LRP5: variants seen among roughly 807,000 people sequenced by gnomAD.
LRP5 encodes LDL receptor related protein 5.
LRP5 carries 62 observed loss-of-function variants against 154.1 expected under a neutral mutation model. That is an observed-to-expected ratio of 0.40 (90% CI 0.33 to 0.50). The LOEUF (loss-of-function observed/expected upper bound fraction) is 0.50, where lower values mean the gene tolerates loss of function less well. Among genes scored for constraint, LRP5 ranks in the 20% least tolerant of loss-of-function variants. LRP5 has a pLI of 0.55. For synonymous variants in LRP5, 966 were observed against 1,011.5 expected, an observed-to-expected ratio of 0.96 and a Z score of 0.85; for missense variants, 1,915 against 2,336.7, an observed-to-expected ratio of 0.82 and a Z score of 3.72.
intron 10 of LRP5, among the ~76,000 whole-genome samples, chr11:68,410,534 A>T (rs1162767152): frequency 6.6e-6 from 1 of 152,208 alleles, no homozygotes; most frequent in Non-Finnish European, 1.5e-5. Flanking sequence ...GCTCCTGACC[A>T]GGTCTCCTTG....
intron 11 of LRP5, among the ~76,000 whole-genome samples, chr11:68,412,466 C>T (rs201040445): frequency 6.6e-5 from 10 of 151,858 alleles, no homozygotes; most frequent in East Asian, 3.9e-4. Context: ...TGTAGTGAGA[C>T]GCCATCTCTA....
chr11:68,433,548 C>G, intron 17 of LRP5, 54 bp from the exon 18 acceptor site: 2 of 1,496,408 alleles, frequency 1.3e-6, no homozygotes, highest in Non-Finnish European at 1.9e-6. Flanking sequence ...ACGCCATTGC[C>G]TGGGTTTTGC....
At chr11:68,425,635 A>G (rs2098668327) in intron 15 of LRP5, among the ~76,000 whole-genome samples, 1 of 152,018 alleles carries the variant, frequency 6.6e-6, no homozygotes, top group African/African-American at 2.4e-5. Context: ...GAGAAATGAG[A>G]GTTGGTGCTT....
intron 8 of LRP5, among the ~76,000 whole-genome samples, chr11:68,405,590 G>A (rs2098655186): frequency 6.6e-6 from 1 of 152,142 alleles, no homozygotes; most frequent in African/African-American, 2.4e-5. Flanking sequence ...GCCTCCATGG[G>A]GGTGTGATTT....
At chr11:68,426,907 G>A (rs1239677040) in intron 16 of LRP5, among the ~76,000 whole-genome samples, 2 of 152,200 alleles carry the variant, frequency 1.3e-5, no homozygotes, top group Non-Finnish European at 2.9e-5. Context: ...TGGGATCGAG[G>A]TTCTGTTTTC....
chr11:68,348,809 T>C (rs1389227714), intron 2 of LRP5, among the ~76,000 whole-genome samples: 2 of 152,120 alleles, frequency 1.3e-5, no homozygotes, highest in Non-Finnish European at 2.9e-5. Context: ...TCGGGTGTGA[T>C]GGTATGCACC....
In LRP5 at chr11:68,312,774, G is replaced by A. The variant is rs965261452; in HGVS notation, c.60G>A (p.Leu20=). The change falls in exon 1 of 23, where the codon CTG becomes CTA. Residue 20 remains leucine, a synonymous_variant. Coordinates refer to ENST00000294304, the MANE Select transcript of LRP5 (RefSeq NM_002335.4). ...TGCTGCTGCTGCTGCTGCTGCTGCT[G>A]GCGCTGTGCGGCTGCCCGGCCCCCG... The part of the protein sequence containing the change: ...WPLLLLLLLL[L]ALCGCPAPAA... The A allele has an allele frequency of 2.1e-4, 229 of 1,090,502 alleles. No individual in the cohort carries two copies. The highest frequency in any genetic ancestry group is 2.4e-4 in the Non-Finnish European group (213 of 892,726). The allele number at this position is 1,090,502 out of a possible 1,614,324, so 67.6% of individuals were successfully genotyped here.
At position 68,403,716 on chromosome 11, in the gene LRP5, C is replaced by G; in HGVS notation, c.1801+17C>G. On this transcript the variant is annotated intron_variant, in intron 8 of 22. Coordinates refer to ENST00000294304, the MANE Select transcript of LRP5 (RefSeq NM_002335.4). ...AGGTCGTCGGTGAGTCCGGGGGGTC[C>G]CAAGCCATGGCTCAGCCATGCAGAC... 1 of 1,612,438 alleles carries G rather than the reference C, an allele frequency of 6.2e-7. No individual in the cohort carries two copies. The highest frequency in any genetic ancestry group is 8.5e-7 in the Non-Finnish European group (1 of 1,179,836).
chr11:68,353,553 C>T lies in LRP5; in HGVS notation c.489-4097C>T, dbSNP rs2098620534. Among the ~76,000 whole-genome samples the T allele has an allele frequency of 6.6e-6, 1 of 152,174 alleles. No individual in the cohort carries two copies. Among genetic ancestry groups the T allele is most frequent in the Admixed American group, 6.5e-5 (1 of 15,284 alleles). The stretch of plus-strand genomic sequence containing the variant: ...TCAGGCATAAGTGTGGGCGCTGAGT[C>T]CTGGGGCAGGACTGCTGTCCTGAGA... On this transcript the variant is annotated intron_variant, in intron 2 of 22. Transcript: ENST00000294304. The surrounding 1 kb of genome is among the most constrained non-coding windows in gnomAD (Gnocchi z 4.5).
intron 14 of LRP5, 71 bp from the exon 15 acceptor site, chr11:68,425,031 T>A: frequency 7.1e-7 from 1 of 1,401,430 alleles, no homozygotes; most frequent in East Asian, 2.3e-5. Context: ...CCCAGCTGGG[T>A]GCCCTGGGCT....
intron 5 of LRP5, among the ~76,000 whole-genome samples, chr11:68,379,230 G>A (rs956960122): frequency 6.6e-6 from 1 of 152,144 alleles, no homozygotes; most frequent in Non-Finnish European, 1.5e-5. Context: ...CACCTTGAAT[G>A]CCCTCGTTTA....
At position 68,426,574 on chromosome 11, in the gene LRP5, G is replaced by A. The variant is rs527258227; in HGVS notation, c.3637+387G>A. Among the ~76,000 whole-genome samples, 25 of 151,832 alleles carry A rather than the reference G, an allele frequency of 1.6e-4. 1 individual carries two copies. The South Asian group carries it at 5.2e-3, about 32-fold the overall frequency. On this transcript the variant is annotated intron_variant, in intron 16 of 22. Transcript: ENST00000294304. ...TCCCAGGTAGCTGGGACTACAGGTG[G>A]GCACCACCACACCTGGCTAATTTTT...
chr11:68,353,027 T>C lies in LRP5; in HGVS notation c.489-4623T>C, dbSNP rs1247625652. Among the ~76,000 whole-genome samples the C allele has an allele frequency of 6.6e-6, 1 of 152,104 alleles. No individual in the cohort carries two copies. The highest frequency in any genetic ancestry group is 1.5e-5 in the Non-Finnish European group (1 of 68,014). On this transcript the variant is annotated intron_variant, in intron 2 of 22. Transcript: ENST00000294304. The surrounding 1 kb of genome is among the most constrained non-coding windows in gnomAD (Gnocchi z 4.5). ...ATTTGGTTGGGAGGTACTTGGTGCT[T>C]GGTTGGGAGATGCTGGGCCCTTGGT...
intron 19 of LRP5, among the ~76,000 whole-genome samples, chr11:68,437,380 C>T (rs772703260): frequency 6.6e-6 from 1 of 152,226 alleles, no homozygotes; most frequent in Non-Finnish European, 1.5e-5. Context: ...TTCACATATG[C>T]ACACATGTCA....
intron 9 of LRP5, among the ~76,000 whole-genome samples, chr11:68,407,843 G>A (rs559215026): frequency 2.6e-5 from 4 of 151,844 alleles, no homozygotes; most frequent in African/African-American, 7.2e-5. Flanking sequence ...GTGAAACTCC[G>A]TCTCAGAAAA....
At chr11:68,429,753 T>C in intron 17 of LRP5, 53 bp downstream of exon 17, 1 of 1,611,838 alleles carries the variant, frequency 6.2e-7, no homozygotes, top group Non-Finnish European at 8.5e-7. Flanking sequence ...CCTGATTCTC[T>C]GCCTGCTAGG....
intron 5 of LRP5, among the ~76,000 whole-genome samples, chr11:68,370,998 C>G (rs59682172): frequency 0.048 from 7,232 of 152,142 alleles, 577 homozygotes; most frequent in African/African-American, 0.16. Flanking sequence ...GCATGGTTCC[C>G]CAGTCTGACC....
intron 7 of LRP5, among the ~76,000 whole-genome samples, chr11:68,392,542 A>G (rs2098646918): frequency 1.3e-5 from 2 of 152,000 alleles, no homozygotes; most frequent in South Asian, 4.2e-4. Context: ...AAAAGTGAAC[A>G]ATTCAGGGCA....
At chr11:68,306,233 G>A in the LRP5 span, among the ~76,000 whole-genome samples, 4 of 151,802 alleles carry the variant, frequency 2.6e-5, no homozygotes, top group African/African-American at 7.3e-5. Flanking sequence ...CCTCCCAGGT[G>A]CAAGCCATTC....
Sources: gnomAD v4.1 joint callset for allele counts (sites outside exome capture counted in the v4.1 genomes callset) on GRCh38, gnomAD v4.1.1 for gene constraint, Gnocchi (gnomAD v3.1) non-coding constraint, MANE v1.5 for transcripts, NCBI Gene and HGNC (gene_info 2026-07-23, HGNC 2026-07-21) for gene names.